Variants in HS3ST4 observed in about 807,000 individuals in gnomAD.
HS3ST4 encodes the protein heparan sulfate-glucosamine 3-sulfotransferase 4.
In HS3ST4, 17 loss-of-function variants were observed where a neutral mutation model predicts 29.2. That is an observed-to-expected ratio of 0.58 (90% CI 0.40 to 0.87). The LOEUF (loss-of-function observed/expected upper bound fraction) is 0.87, where lower values mean the gene tolerates loss of function less well. HS3ST4 is among the 40% of genes least tolerant of loss of function. The pLI is 0.00. For missense variants in HS3ST4, 627 were observed against 634.5 expected (o/e 0.99, Z 0.13); for synonymous variants, 314 against 285.7 (o/e 1.10, Z -1.00).
intron 1 of HS3ST4, chr16:25,826,245 G>C (rs530144207): frequency 6.6e-6 from 1 of 152,310 alleles, no homozygotes; most frequent in East Asian, 1.9e-4. Context: ...AACTCCTTCA[G>C]GCTTCAGAGC....
intron 1 of HS3ST4, among the ~76,000 whole-genome samples, chr16:25,931,921 T>A (rs2141687941): frequency 6.6e-6 from 1 of 152,204 alleles, no homozygotes; most frequent in South Asian, 2.1e-4. Flanking sequence ...AAAGGCAGCT[T>A]GTGGGGGAAA....
At chr16:26,112,024 A>AC (rs1899137669) in intron 1 of HS3ST4, among the ~76,000 whole-genome samples, 1 of 151,612 alleles carries the variant, frequency 6.6e-6, no homozygotes, top group South Asian at 2.1e-4. Flanking sequence ...CAAAAAAAAA[A>AC]AAAAAATTCT....
intron 1 of HS3ST4, among the ~76,000 whole-genome samples, chr16:25,994,550 A>T (rs1567289702): frequency 1.3e-5 from 2 of 152,132 alleles, no homozygotes; most frequent in Non-Finnish European, 2.9e-5. Flanking sequence ...AATTAACTTG[A>T]TCCCACTTAT....
intron 1 of HS3ST4, among the ~76,000 whole-genome samples, chr16:25,891,489 T>A (rs1968007372): frequency 6.6e-6 from 1 of 152,122 alleles, no homozygotes; most frequent in African/African-American, 2.4e-5. Flanking sequence ...GTTGCTGGCT[T>A]TTCTCTGGGA....
chr16:25,948,344 T>TA (rs1171590546), intron 1 of HS3ST4, among the ~76,000 whole-genome samples: 2 of 146,550 alleles, frequency 1.4e-5, no homozygotes, highest in African/African-American at 5.3e-5. Context: ...TTATATGCAA[T>TA]TTTTTTTTTC....
chr16:25,934,314 G>A (rs1161276694), intron 1 of HS3ST4, among the ~76,000 whole-genome samples: 1 of 152,146 alleles, frequency 6.6e-6, no homozygotes, highest in East Asian at 1.9e-4. Context: ...TCTCCCCTAG[G>A]GAGAAATAAG....
intron 1 of HS3ST4, among the ~76,000 whole-genome samples, chr16:26,054,328 A>G (rs574772829): frequency 1.4e-5 from 2 of 140,860 alleles, no homozygotes; most frequent in African/African-American, 6.3e-5. Flanking sequence ...AAGAAGAAGA[A>G]GAGAAGAAGA....
intron 1 of HS3ST4, among the ~76,000 whole-genome samples, chr16:26,108,154 A>C (rs1251440939): frequency 1.3e-5 from 2 of 152,170 alleles, no homozygotes; most frequent in East Asian, 1.9e-4. Context: ...GACTGGGGTA[A>C]TATGGTATCA....
intron 1 of HS3ST4, among the ~76,000 whole-genome samples, chr16:25,941,406 A>ATG (rs1283759886): frequency 6.8e-6 from 1 of 147,654 alleles, no homozygotes; most frequent in Non-Finnish European, 1.5e-5. Context: ...GATCTGCCCC[A>ATG]CCTTGGCCAC....
chr16:25,857,944 C>CTTTCTTTCTT, intron 1 of HS3ST4, among the ~76,000 whole-genome samples: 1 of 51,464 alleles, frequency 1.9e-5, no homozygotes, highest in East Asian at 6.2e-4. Flanking sequence ...TTCTTTCTTT[C>CTTTCTTTCTT]TTTCTTTCTT....
rs1489352254 is a variant in HS3ST4 at position 26,109,786 on chromosome 16, TA to T, written c.735-25821del. On this transcript the variant is annotated intron_variant, in intron 1 of 1. Transcript: ENST00000331351. The stretch of plus-strand genomic sequence containing the variant: ...GCTCTATTTAGGTGTCATTGACAAA[TA>T]AAAATTACATATGCAGTATTTATCA... Among the ~76,000 whole-genome samples, 5 of 151,942 alleles carry T rather than the reference TA, an allele frequency of 3.3e-5. No homozygotes were observed. In the East Asian group the frequency reaches 7.8e-4, roughly 24 times the overall value.
chr16:26,093,023 A>G (rs1898876300), intron 1 of HS3ST4, among the ~76,000 whole-genome samples: 1 of 152,190 alleles, frequency 6.6e-6, no homozygotes, highest in African/African-American at 2.4e-5. Context: ...GTGAGGCGGC[A>G]GCCTGGCCGG....
rs976055385 is a variant in HS3ST4, at chr16:25,988,194, C to T, written c.735-147418C>T. On this transcript the variant is annotated intron_variant, in intron 1 of 1. Transcript: ENST00000331351. The stretch of plus-strand genomic sequence containing the variant: ...TGAGCAGAGAGGTGGCAGCTGGGCC[C>T]GCTCACATCCTATTAACCTTGTCTG... Among the ~76,000 whole-genome samples the T allele has an allele frequency of 3.3e-5, 5 of 152,296 alleles. No individual in the cohort carries two copies. The Middle Eastern group carries it at 0.01, about 311-fold the overall frequency.
intron 1 of HS3ST4, among the ~76,000 whole-genome samples, chr16:25,976,699 TG>T (rs1968947075): frequency 6.6e-6 from 1 of 152,176 alleles, no homozygotes; most frequent in African/African-American, 2.4e-5. Flanking sequence ...ACCAGTAAAA[TG>T]AGTCTGGGAA....
intron 1 of HS3ST4, among the ~76,000 whole-genome samples, chr16:26,078,998 T>A (rs1206696254): frequency 6.6e-6 from 1 of 152,204 alleles, no homozygotes; most frequent in Admixed American, 6.5e-5. Flanking sequence ...AACGGAACAG[T>A]AGGCTCTCAT....
At chr16:25,821,345 A>G (rs1482006287) in intron 1 of HS3ST4, among the ~76,000 whole-genome samples, 1 of 152,090 alleles carries the variant, frequency 6.6e-6, no homozygotes, top group Admixed American at 6.6e-5. Flanking sequence ...GTGATGCTAA[A>G]TCTGTTATCA....
chr16:25,934,302 T>C (rs1338626168), intron 1 of HS3ST4, among the ~76,000 whole-genome samples: 3 of 152,188 alleles, frequency 2.0e-5, no homozygotes, highest in African/African-American at 7.2e-5. Flanking sequence ...GAAAACAGTC[T>C]GTCTCCCCTA....
intron 1 of HS3ST4, among the ~76,000 whole-genome samples, chr16:25,739,162 A>G (rs1369837125): frequency 6.6e-6 from 1 of 152,024 alleles, no homozygotes; most frequent in Non-Finnish European, 1.5e-5. Flanking sequence ...GCCAACATGG[A>G]GAAACCCCAT....
chr16:25,981,121 G>C (rs1055293720), intron 1 of HS3ST4, among the ~76,000 whole-genome samples: 4 of 152,122 alleles, frequency 2.6e-5, no homozygotes, highest in Non-Finnish European at 5.9e-5. Flanking sequence ...ATTTTGGGAG[G>C]CTGAGACAGG....
Sources: allele counts gnomAD v4.1 joint callset (sites outside exome capture counted in the v4.1 genomes callset), GRCh38; gene constraint gnomAD v4.1.1; transcripts MANE v1.5; gene names NCBI Gene and HGNC (gene_info 2026-07-23, HGNC 2026-07-21).